RNF220: variants seen among roughly 807,000 people sequenced by gnomAD.
The protein encoded by RNF220 is E3 ubiquitin-protein ligase RNF220.
In RNF220, 7 loss-of-function variants were observed where a neutral mutation model predicts 67.1. The ratio of observed to expected loss-of-function variants is 0.10; its 90% CI spans 0.06 to 0.20. The LOEUF is 0.20. Ranked by LOEUF, RNF220 falls within the 10% of genes least tolerant of loss-of-function variation. The pLI is 1.00. For missense variants in RNF220, 565 were observed against 740.3 expected, an observed-to-expected ratio of 0.76 and a Z score of 2.75; for synonymous variants, 270 against 283.2, an observed-to-expected ratio of 0.95 and a Z score of 0.47.
chr1:44,443,422 G>T (rs1651762634), intron 2 of RNF220, among the ~76,000 whole-genome samples: 1 of 152,064 alleles, frequency 6.6e-6, no homozygotes, highest in Non-Finnish European at 1.5e-5. Flanking sequence ...GTTGCAGTAG[G>T]CTCCTAACAT....
chr1:44,452,057 G>T (rs796085072), intron 2 of RNF220, among the ~76,000 whole-genome samples: 1 of 152,138 alleles, frequency 6.6e-6, no homozygotes, highest in African/African-American at 2.4e-5. Flanking sequence ...TGTGAATTAG[G>T]TTTATAACTT....
chr1:44,501,607 T>TGAAC (rs1295155302), intron 2 of RNF220, among the ~76,000 whole-genome samples: 3,832 of 152,198 alleles, frequency 0.025, 143 homozygotes, highest in African/African-American at 0.088. Flanking sequence ...AATTTCTTTC[T>TGAAC]TCCTTTTGCA....
chr1:44,567,893 C>T (rs1440796900), intron 2 of RNF220, among the ~76,000 whole-genome samples: 1 of 152,226 alleles, frequency 6.6e-6, no homozygotes, highest in African/African-American at 2.4e-5. Flanking sequence ...CCCATTTCAC[C>T]CTGCAGCTCC....
At position 44,492,541 on chromosome 1, in the gene RNF220, A is replaced by G. The variant is rs1656945320; in HGVS notation, c.625+79819A>G. 2.0e-5 allele frequency among the ~76,000 whole-genome samples: 3 copies of G among 152,246 alleles called. No individual in the cohort carries two copies. The South Asian group carries it at 6.2e-4, about 32-fold the overall frequency. On this transcript the variant is annotated intron_variant, in intron 2 of 14. Transcript: ENST00000361799. ...ATAGCCATCAGCTGATGAATGGATA[A>G]ACACAAATGTGATTTGTTCATACAA...
chr1:44,506,095 C>G (rs1444284049), intron 2 of RNF220, among the ~76,000 whole-genome samples: 1 of 152,208 alleles, frequency 6.6e-6, no homozygotes, highest in Non-Finnish European at 1.5e-5. Context: ...ATAAAAGATG[C>G]CTTCTTTTCA....
intron 7 of RNF220, 74 bp downstream of exon 7, chr1:44,635,662 C>T (rs2567750): frequency 6.2e-7 from 1 of 1,612,952 alleles, no homozygotes; most frequent in Admixed American, 1.7e-5. Context: ...CATTGCCTTT[C>T]TAAGGTAGAG....
chr1:44,631,160 C>A (rs939013965), intron 5 of RNF220, among the ~76,000 whole-genome samples: 1 of 152,200 alleles, frequency 6.6e-6, no homozygotes, highest in Non-Finnish European at 1.5e-5. Flanking sequence ...TCACACACGG[C>A]CCCAACCCTG....
chr1:44,576,797 T>C (rs1028982268), intron 2 of RNF220, among the ~76,000 whole-genome samples: 1 of 152,164 alleles, frequency 6.6e-6, no homozygotes, highest in African/African-American at 2.4e-5. Flanking sequence ...AGCCGGACAA[T>C]TGCTGTGCTG....
chr1:44,623,018 C>T (rs1356064267), intron 4 of RNF220, among the ~76,000 whole-genome samples: 1 of 152,132 alleles, frequency 6.6e-6, no homozygotes, highest in East Asian at 1.9e-4. Context: ...CATCTGACTT[C>T]CTCCTCTTCC....
Position 44,650,340 on chromosome 1 carries a change from C to G in RNF220, c.1630-364C>G, listed in dbSNP as rs1644758478. ...TCTGCTCCTGCCCCTGTTCTTCGCT[C>G]AGGAGCAGCCATTAAAATGTCGCCC... is the stretch of plus-strand genomic sequence containing the variant. On this transcript the variant is annotated intron_variant, in intron 14 of 14. Coordinates refer to ENST00000361799, the MANE Select transcript of RNF220 (RefSeq NM_018150.4). The surrounding 1 kb of genome is among the most constrained non-coding windows in gnomAD (Gnocchi z 4.3). 1 of 474,654 alleles carries G rather than the reference C, an allele frequency of 2.1e-6. No homozygotes were observed. The highest frequency in any genetic ancestry group is 3.8e-6 in the Non-Finnish European group (1 of 260,444). The allele number at this position is 474,654 out of a possible 1,614,324, so 29.4% of individuals were successfully genotyped here.
chr1:44,553,975 A>G (rs1662872869), intron 2 of RNF220, among the ~76,000 whole-genome samples: 1 of 152,188 alleles, frequency 6.6e-6, no homozygotes. Context: ...CTGGCAGAGA[A>G]GGAGCCAGGG....
At chr1:44,607,167 G>C (rs1667325994) in intron 2 of RNF220, among the ~76,000 whole-genome samples, 1 of 152,174 alleles carries the variant, frequency 6.6e-6, no homozygotes, top group Admixed American at 6.5e-5. Flanking sequence ...CCCTGAGTTA[G>C]TGAGATAACC....
chr1:44,433,603 T>C (rs1650641748), intron 2 of RNF220, among the ~76,000 whole-genome samples: 2 of 152,270 alleles, frequency 1.3e-5, no homozygotes, highest in African/African-American at 4.8e-5. Flanking sequence ...CTGCAGGGTG[T>C]AATATTTTTG....
chr1:44,466,396 A>G (rs1410735446), intron 2 of RNF220, among the ~76,000 whole-genome samples: 1 of 152,204 alleles, frequency 6.6e-6, no homozygotes, highest in African/African-American at 2.4e-5. Flanking sequence ...AACTTCTTCC[A>G]AATTCTTGTT....
rs537582166 is a variant in RNF220, at chr1:44,600,334, A to G, written c.626-13831A>G. On this transcript the variant is annotated intron_variant, in intron 2 of 14. Coordinates refer to ENST00000361799, the MANE Select transcript of RNF220 (RefSeq NM_018150.4). This position sits in a 1 kb window ranked among gnomAD's most constrained non-coding sequence, Gnocchi z 4.0. ...CCAGAGTTTCAGAGATCACACATAGAGTGTGGAGAGAGGGAGAAGTGAATG... is the reference window on the plus strand; with the variant it reads ...CCAGAGTTTCAGAGATCACACATAGGGTGTGGAGAGAGGGAGAAGTGAATG... 6.6e-6 allele frequency among the ~76,000 whole-genome samples: 1 copy of G among 152,300 alleles called. No individual in the cohort carries two copies. Among genetic ancestry groups the G allele is most frequent in the South Asian group, 2.1e-4 (1 of 4,816 alleles).
chr1:44,548,714 A>C (rs1228987101), intron 2 of RNF220, among the ~76,000 whole-genome samples: 4 of 151,818 alleles, frequency 2.6e-5, no homozygotes, highest in Admixed American at 2.6e-4. Flanking sequence ...CTGGTCTCGA[A>C]CTCCTGGCCT....
chr1:44,509,481 C>T (rs1438410898), intron 2 of RNF220, among the ~76,000 whole-genome samples: 7 of 149,636 alleles, frequency 4.7e-5, no homozygotes, highest in Non-Finnish European at 7.4e-5. Context: ...ACCCAGGAGG[C>T]GGAGCTTGCA....
At chr1:44,519,436 C>T (rs960529316) in intron 2 of RNF220, among the ~76,000 whole-genome samples, 3 of 152,132 alleles carry the variant, frequency 2.0e-5, no homozygotes, top group Non-Finnish European at 2.9e-5. Flanking sequence ...GCCTCAGAAG[C>T]GGAGGCTGCA....
At chr1:44,630,452 A>G (rs756483640) in intron 5 of RNF220, among the ~76,000 whole-genome samples, 10 of 152,204 alleles carry the variant, frequency 6.6e-5, no homozygotes, top group Non-Finnish European at 1.2e-4. Flanking sequence ...TTGTTTCCCA[A>G]CCCATCACTG....
Sources: gnomAD v4.1 joint callset for allele counts (sites outside exome capture counted in the v4.1 genomes callset) on GRCh38, gnomAD v4.1.1 for gene constraint, Gnocchi (gnomAD v3.1) non-coding constraint, MANE v1.5 for transcripts, NCBI Gene and HGNC (gene_info 2026-07-23, HGNC 2026-07-21) for gene names.